DOK7: variants seen among roughly 807,000 people sequenced by gnomAD.
DOK7 encodes the protein docking protein 7.
Under a neutral mutation model 30.7 loss-of-function variants are expected in DOK7, and 32 were observed. The observed-to-expected ratio is 1.04, with a 90% CI of 0.79 to 1.40. The LOEUF (loss-of-function observed/expected upper bound fraction) is 1.40, where lower values mean the gene tolerates loss of function less well. Among genes scored for constraint, DOK7 ranks in the 40% most tolerant of loss-of-function variants. The pLI is 0.00. For missense variants in DOK7, 1,007 were observed against 699.2 expected, an observed-to-expected ratio of 1.44 and a Z score of -4.97; for synonymous variants, 447 against 324.1, an observed-to-expected ratio of 1.38 and a Z score of -4.07.
At chr4:3,468,541 T>TGA (rs1491364289) in intron 2 of DOK7, among the ~76,000 whole-genome samples, 3 of 101,710 alleles carry the variant, frequency 2.9e-5, no homozygotes, top group African/African-American at 1.0e-4. Flanking sequence ...TGTGAGTGTA[T>TGA]GTGTGTGTGC....
intron 7 of DOK7, chr4:3,500,521 C>T: frequency 6.8e-7 from 1 of 1,471,296 alleles, no homozygotes. Context: ...CCTACAGCCT[C>T]CCCCCAGGAG....
intron 5 of DOK7, among the ~76,000 whole-genome samples, chr4:3,489,395 G>A (rs1159498446): frequency 1.3e-5 from 2 of 152,172 alleles, no homozygotes; most frequent in African/African-American, 4.8e-5. Context: ...AGATGAGGAA[G>A]GAGGGGTCTG....
rs567767371 is a variant in DOK7, at chr4:3,468,505, T to A, written c.101-4901T>A. Among the ~76,000 whole-genome samples, 7 of 117,284 alleles carry A rather than the reference T, an allele frequency of 6.0e-5. No individual in the cohort carries two copies. In the East Asian group the frequency reaches 8.5e-4, roughly 14 times the overall value. The allele number at this position is 117,284 out of a possible 152,430, so 76.9% of individuals were successfully genotyped here. ...GTACATGTATGAGTGTGCATGTGCG[T>A]GTGTGCGTGTATGAGTGTGTGTGAC... On this transcript the variant is annotated intron_variant, in intron 2 of 6. Coordinates refer to ENST00000340083, the MANE Select transcript of DOK7 (RefSeq NM_173660.5).
chr4:3,479,718 G>T (rs934752124), intron 4 of DOK7, among the ~76,000 whole-genome samples: 1 of 152,234 alleles, frequency 6.6e-6, no homozygotes, highest in African/African-American at 2.4e-5. Context: ...CCCTGGTGGG[G>T]GTCGGGTGGA....
At chr4:3,477,538 C>A (rs1000572066) in intron 4 of DOK7, among the ~76,000 whole-genome samples, 2 of 152,254 alleles carry the variant, frequency 1.3e-5, no homozygotes, top group African/African-American at 4.8e-5. Context: ...CTGCGCTGGG[C>A]GCTGGGAGCA....
chr4:3,467,323 G>A (rs544403631), intron 2 of DOK7, among the ~76,000 whole-genome samples: 551 of 148,452 alleles, frequency 3.7e-3, no homozygotes, highest in Non-Finnish European at 6.6e-3. Flanking sequence ...CGCCCTGGCT[G>A]TAAGGCCTTC....
Position 3,463,406 on chromosome 4 carries a change from G to C in DOK7, c.31G>C (p.Val11Leu), listed in dbSNP as rs370421989. MTEAALVEGQ[V>L]KLRDGKKWKS... ...CGAGGCGGCGCTGGTGGAGGGCCAGGTCAAGCTGCGGGACGGCAAGAAGGT... is the reference window on the plus strand; with the variant it reads ...CGAGGCGGCGCTGGTGGAGGGCCAGCTCAAGCTGCGGGACGGCAAGAAGGT... The change falls in exon 1 of 7, where the codon GTC (valine) becomes CTC (leucine). Residue 11 changes from valine to leucine, a missense_variant. Physicochemically the swap from Val to Leu is conservative, Grantham distance 32. Transcript: ENST00000340083. 4.7e-5 allele frequency: 70 copies of C among 1,483,040 alleles called. No homozygotes were observed. The highest frequency in any genetic ancestry group is 1.4e-5 in the Non-Finnish European group (16 of 1,129,638). 91.9% of individuals were successfully genotyped at this position (1,483,040 alleles called of 1,614,324 possible). A position where few individuals can be genotyped will look rare whatever the true frequency, so the allele number is the denominator to read the frequency against.
At chr4:3,486,374 A>T (rs1169607379) in intron 5 of DOK7, among the ~76,000 whole-genome samples, 1 of 152,228 alleles carries the variant, frequency 6.6e-6, no homozygotes, top group African/African-American at 2.4e-5. Flanking sequence ...GCTTGACCCA[A>T]CGTCCAAGTG....
At chr4:3,474,506 G>A (rs10031431) in intron 3 of DOK7, among the ~76,000 whole-genome samples, 9,380 of 152,098 alleles carry the variant, frequency 0.062, 504 homozygotes, top group African/African-American at 0.14. Context: ...GCAACGTGGC[G>A]AAACCTCGTC....
At chr4:3,463,459 G>GGGGGGGCGC in intron 1 of DOK7, 30 bp downstream of exon 1, 1 of 1,424,424 alleles carries the variant, frequency 7.0e-7, no homozygotes, top group East Asian at 2.9e-5. Flanking sequence ...GCGGGGGGGG[G>GGGGGGGCGC]GGGCGCGGGC....
chr4:3,499,934 C>G (rs1372382992), intron 6 of DOK7, among the ~76,000 whole-genome samples: 3 of 151,000 alleles, frequency 2.0e-5, no homozygotes, highest in Non-Finnish European at 3.0e-5. Flanking sequence ...GGCGCAGGGA[C>G]AGAAGAGTGG....
chr4:3,499,836 G>C lies in DOK7; in HGVS notation c.1109-415G>C, dbSNP rs1042170031. Among the ~76,000 whole-genome samples, 20 of 152,090 alleles carry C rather than the reference G, an allele frequency of 1.3e-4. 1 individual carries two copies. Among genetic ancestry groups the C allele is most frequent in the Admixed American group, 1.3e-4 (2 of 15,272 alleles). On this transcript the variant is annotated intron_variant, in intron 6 of 7. Transcript: ENST00000643608. ...GGGGGCCAGGACAAAGCAGGGCTGT[G>C]CTGGCCCGGGAGGGTTAGGTAGAGA...
intron 2 of DOK7, among the ~76,000 whole-genome samples, chr4:3,468,318 CTG>C (rs752305267): frequency 3.6e-5 from 5 of 137,716 alleles, no homozygotes; most frequent in Non-Finnish European, 6.3e-5. Flanking sequence ...GTGTGAATAC[CTG>C]TGTGTGCGAG....
chr4:3,485,216 CATGCCCTG>C (rs1727689207), intron 4 of DOK7: 1 of 282,112 alleles, frequency 3.5e-6, no homozygotes, highest in African/African-American at 2.2e-5. Context: ...CCCTCCTCCC[CATGCCCTG>C]TCGGCTGCAG....
intron 2 of DOK7, among the ~76,000 whole-genome samples, chr4:3,466,628 C>T (rs930525711): frequency 3.3e-5 from 5 of 152,224 alleles, no homozygotes; most frequent in African/African-American, 7.2e-5. Context: ...CTTCCCTCAG[C>T]CCCCGCGTCA....
chr4:3,473,678 A>T, intron 3 of DOK7, 42 bp downstream of exon 3: 1 of 1,502,800 alleles, frequency 6.7e-7, no homozygotes, highest in South Asian at 1.3e-5. Flanking sequence ...CTCCCCGTTC[A>T]GGTGTGCCGG....
chr4:3,493,758 T>G lies in DOK7; in HGVS notation c.*257T>G, dbSNP rs563831722. The G allele has an allele frequency of 2.1e-6, 3 of 1,400,268 alleles. No homozygotes were observed. Among genetic ancestry groups the G allele is most frequent in the South Asian group, 1.6e-5 (1 of 63,050 alleles). 86.7% of individuals were successfully genotyped at this position (1,400,268 alleles called of 1,614,324 possible). On this transcript the variant is annotated 3_prime_UTR_variant, in exon 7 of 7. Transcript: ENST00000340083. ...CACCAGAGCCCCAATGCTCAGCTGC[T>G]TCACTCCGTGTCCCCCACCCCTGAG... is the stretch of plus-strand genomic sequence containing the variant.
At chr4:3,496,776 G>T, downstream of DOK7, 1 of 1,534,676 alleles carries the variant, frequency 6.5e-7, no homozygotes, top group South Asian at 1.2e-5. Context: ...ACAGGATGAG[G>T]GGAAGACTGA....
At position 3,492,934 on chromosome 4, in the gene DOK7, G is replaced by GCCACCCCCCAAGC; in HGVS notation, c.950_962dup (p.Leu322ThrfsTer51). 2 of 1,557,550 alleles carry GCCACCCCCCAAGC rather than the reference G, an allele frequency of 1.3e-6. No individual in the cohort carries two copies. Among genetic ancestry groups the GCCACCCCCCAAGC allele is most frequent in the Non-Finnish European group, 1.7e-6 (2 of 1,154,808 alleles). ...GGGAAGCCATGGTGGGTGCCTCAAG[G>GCCACCCCCCAAGC]CCACCCCCCAAGCCGCTGCGTCCGC... is the stretch of plus-strand genomic sequence containing the variant. On this transcript the variant is annotated frameshift_variant, in exon 7 of 7. Transcript: ENST00000340083. LOFTEE classifies it low-confidence loss of function (END_TRUNC).
Sources: allele counts gnomAD v4.1 joint callset (sites outside exome capture counted in the v4.1 genomes callset), GRCh38; gene constraint gnomAD v4.1.1; transcripts MANE v1.5; gene names NCBI Gene and HGNC (gene_info 2026-07-23, HGNC 2026-07-21).